The following DDC variants were observed in gnomAD, a reference collection of about 807,000 sequenced individuals.
DDC encodes the protein dopa decarboxylase.
A neutral mutation model predicts 60.0 loss-of-function variants in DDC; 43 were observed. That is an observed-to-expected ratio of 0.72 (90% CI 0.56 to 0.92). DDC has a LOEUF of 0.92. DDC is among the 40% of genes least tolerant of loss of function. The pLI, the probability that DDC is intolerant of heterozygous loss-of-function variation, is 0.00. For synonymous variants in DDC, 232 were observed against 234.6 expected (o/e 0.99, Z 0.10); for missense variants, 573 against 620.2 (o/e 0.92, Z 0.81).
intron 4 of DDC, among the ~76,000 whole-genome samples, chr7:50,536,820 C>A (rs1368050539): frequency 6.6e-6 from 1 of 152,234 alleles, no homozygotes; most frequent in East Asian, 1.9e-4. Flanking sequence ...GTGCTCTGCA[C>A]AAAGGTGTTC....
rs183507908 is a variant in DDC, at chr7:50,518,712, A to G, written c.714+9425T>C. ...TGTAGGAGAATGAAACCGCATCCTC[A>G]TCTCTCACCTTATACAAAAATCAAC... On this transcript the variant is annotated intron_variant, in intron 6 of 14. Transcript: ENST00000444124. 4.9e-4 allele frequency among the ~76,000 whole-genome samples: 74 copies of G among 152,348 alleles called. No homozygotes were observed. The East Asian group carries it at 0.013, about 28-fold the overall frequency.
At chr7:50,491,039 A>C (rs1385048253) in intron 9 of DDC, among the ~76,000 whole-genome samples, 5 of 152,170 alleles carry the variant, frequency 3.3e-5, no homozygotes, top group Non-Finnish European at 7.3e-5. Flanking sequence ...CTGAATTCTA[A>C]AATTTTTCCT....
chr7:50,492,614 T>C, intron 9 of DDC: 1 of 980,148 alleles, frequency 1.0e-6, no homozygotes, highest in Non-Finnish European at 1.3e-6. Context: ...CCTTCTCTTG[T>C]GGCAGACTTC....
rs548103213 is a variant in DDC, at chr7:50,527,991, G to A, written c.714+146C>T. On this transcript the variant is annotated intron_variant, in intron 6 of 14. Transcript: ENST00000444124. ...GGCTCACTGCAACCTCCGCCTCCCG[G>A]GTTCACGCCATTCTCCTGCCTCAGC... 3 of 874,322 alleles carry A rather than the reference G, an allele frequency of 3.4e-6. No individual in the cohort carries two copies. The Admixed American group carries it at 7.7e-5, about 22-fold the overall frequency. The allele number at this position is 874,322 out of a possible 1,614,324, so 54.2% of individuals were successfully genotyped here.
chr7:50,563,378 C>T (rs1041559322), intron 1 of DDC, among the ~76,000 whole-genome samples: 8 of 151,904 alleles, frequency 5.3e-5, no homozygotes, highest in Admixed American at 2.0e-4. Flanking sequence ...CATATATGTC[C>T]AATAAAGCAA....
At chr7:50,488,166 A>C (rs1279934721) in intron 9 of DDC, among the ~76,000 whole-genome samples, 1 of 152,050 alleles carries the variant, frequency 6.6e-6, no homozygotes, top group African/African-American at 2.4e-5. Context: ...TAATTAGATA[A>C]ATATAATAGA....
rs138997229 is a variant in DDC at position 50,473,903 on chromosome 7, C to T, written c.1041+2721G>A. 2.7e-3 allele frequency among the ~76,000 whole-genome samples: 413 copies of T among 152,338 alleles called. 2 individuals are homozygous for T. The highest frequency in any genetic ancestry group is 6.8e-3 in the African/African-American group (284 of 41,576). On this transcript the variant is annotated intron_variant, in intron 11 of 14. Transcript: ENST00000444124. ...CAGGCATCAGGGCCTGCGTGGTCTG[C>T]GCCTCTGTCTCCCTCAGTGGCCTGG...
chr7:50,510,724 G>A (rs2043539451), intron 6 of DDC, among the ~76,000 whole-genome samples: 1 of 146,862 alleles, frequency 6.8e-6, no homozygotes, highest in Non-Finnish European at 1.5e-5. Context: ...GCTCACGCCT[G>A]TAATCACAGC....
Position 50,528,159 on chromosome 7 carries a change from G to T in DDC, c.692C>A (p.Ala231Glu), listed in dbSNP as rs771591175. Reference sequence around the variant, plus strand: ...TACAAAGAAAGGAATCAGGCCAGCCGCTTTGTCTCTCTCCAGGGCTTCCTG... The same window carrying T: ...TACAAAGAAAGGAATCAGGCCAGCCTCTTTGTCTCTCTCCAGGGCTTCCTG... Reference protein sequence around the residue: ...ALQEALERDKAAGLIPFFMVA... With the variant: ...ALQEALERDKEAGLIPFFMVA... The change falls in exon 6 of 15, where the codon GCG becomes GAG. Residue 231 changes from alanine (A) to glutamate (E), a missense_variant. Transcript: ENST00000444124. The T allele has an allele frequency of 6.2e-7, 1 of 1,613,362 alleles. No individual in the cohort carries two copies. Among genetic ancestry groups the T allele is most frequent in the Non-Finnish European group, 8.5e-7 (1 of 1,180,024 alleles).
rs1408421416 is a variant in DDC, at chr7:50,540,125, T to C, written c.202-97A>G. 4.5e-6 allele frequency: 4 copies of C among 883,892 alleles called. No homozygotes were observed. In the African/African-American group the frequency reaches 5.0e-5, roughly 11 times the overall value. The allele number at this position is 883,892 out of a possible 1,614,324, so 54.8% of individuals were successfully genotyped here. ...ACCCCCATGGCTCCCAGCTGCCAGATGCAGCCAGACCCAGAGTTAGGTGAG... is the reference window on the plus strand; with the variant it reads ...ACCCCCATGGCTCCCAGCTGCCAGACGCAGCCAGACCCAGAGTTAGGTGAG... On this transcript the variant is annotated intron_variant, in intron 2 of 14. Coordinates refer to ENST00000444124, the MANE Select transcript of DDC (RefSeq NM_001082971.2).
intron 11 of DDC, among the ~76,000 whole-genome samples, chr7:50,474,159 A>G (rs889509629): frequency 1.3e-5 from 2 of 152,244 alleles, no homozygotes; most frequent in Non-Finnish European, 2.9e-5. Context: ...TCCTTAACCG[A>G]GGCCAATGCC....
At chr7:50,525,719 G>T (rs1245321091) in intron 6 of DDC, among the ~76,000 whole-genome samples, 2 of 152,002 alleles carry the variant, frequency 1.3e-5, no homozygotes, top group Non-Finnish European at 2.9e-5. Flanking sequence ...AGCCAAGATT[G>T]CATCACTGCA....
chr7:50,552,028 T>TA (rs879907307), intron 1 of DDC, among the ~76,000 whole-genome samples: 72 of 152,224 alleles, frequency 4.7e-4, no homozygotes, highest in African/African-American at 1.7e-3. Flanking sequence ...GGCTCTGGAA[T>TA]AAAAAAACAC....
chr7:50,540,591 G>T (rs2044596145), intron 2 of DDC, among the ~76,000 whole-genome samples: 1 of 152,024 alleles, frequency 6.6e-6, no homozygotes, highest in Admixed American at 6.5e-5. Flanking sequence ...TTCTAGAGGA[G>T]CTGAGGCCTT....
chr7:50,505,804 T>A (rs1468688632), intron 6 of DDC, among the ~76,000 whole-genome samples: 1 of 152,238 alleles, frequency 6.6e-6, no homozygotes, highest in Non-Finnish European at 1.5e-5. Context: ...GCTCTCTGTG[T>A]CACTGAGCTA....
chr7:50,474,418 G>T (rs1585147843), intron 11 of DDC, among the ~76,000 whole-genome samples: 2 of 152,290 alleles, frequency 1.3e-5, no homozygotes, highest in South Asian at 4.1e-4. Context: ...AAGAACCTAG[G>T]GTTGGGAAGA....
At chr7:50,545,089 T>G (rs1387457846) in intron 1 of DDC, among the ~76,000 whole-genome samples, 1 of 152,058 alleles carries the variant, frequency 6.6e-6, no homozygotes, top group Non-Finnish European at 1.5e-5. Flanking sequence ...AAGAAAAACA[T>G]AAAAATGTGA....
chr7:50,492,963 G>A, intron 9 of DDC: 1 of 1,598,338 alleles, frequency 6.3e-7, no homozygotes, highest in Non-Finnish European at 8.5e-7. Context: ...CACTGACTAA[G>A]CAGGTTTTCT....
chr7:50,503,803 C>G (rs749614992), intron 7 of DDC, among the ~76,000 whole-genome samples, 190 bp downstream of exon 7: 8 of 152,038 alleles, frequency 5.3e-5, no homozygotes, highest in Non-Finnish European at 1.2e-4. Context: ...CAGTTCTTTT[C>G]CAATTAGCCC....
Sources: allele counts gnomAD v4.1 joint callset (sites outside exome capture counted in the v4.1 genomes callset), GRCh38; gene constraint gnomAD v4.1.1; transcripts MANE v1.5; gene names NCBI Gene and HGNC (gene_info 2026-07-23, HGNC 2026-07-21).